ASNS: variants seen among roughly 807,000 people sequenced by gnomAD.
ASNS encodes asparagine synthetase [glutamine-hydrolyzing].
ASNS carries 37 observed loss-of-function variants against 62.6 expected under a neutral mutation model. The observed-to-expected ratio is 0.59, with a 90% CI of 0.45 to 0.78. ASNS has a LOEUF of 0.78. ASNS is among the 30% of genes least tolerant of loss of function. The pLI is 0.00. For missense variants in ASNS, 520 were observed against 682.4 expected (o/e 0.76, Z 2.65); for synonymous variants, 207 against 237.9 (o/e 0.87, Z 1.19).
chr7:97,867,474 T>A (rs1185034098), intron 3 of ASNS, among the ~76,000 whole-genome samples: 1 of 152,242 alleles, frequency 6.6e-6, no homozygotes, highest in African/African-American at 2.4e-5. Flanking sequence ...GAATAGAAAT[T>A]AATTATTTTC....
the ASNS span, chr7:97,898,351 C>A: frequency 1.4e-5 from 7 of 515,824 alleles, no homozygotes; most frequent in African/African-American, 1.0e-4. Context: ...TAAACAGATT[C>A]TTGGACTGGT....
rs4727377 is a variant in ASNS, at chr7:97,864,028, A to G, written c.487+231T>C. On this transcript the variant is annotated intron_variant, in intron 4 of 12. Coordinates refer to ENST00000394308, the MANE Select transcript of ASNS (RefSeq NM_001673.5). ...GATCAAGCTAGATGTAGAGCATATTAGCACAGCAAAAAATAAACGACTGCA... is the reference window on the plus strand; with the variant it reads ...GATCAAGCTAGATGTAGAGCATATTGGCACAGCAAAAAATAAACGACTGCA... The G allele has an allele frequency of 0.086, 39,880 of 463,814 alleles. 2,138 individuals are homozygous for G. Among genetic ancestry groups the G allele is most frequent in the East Asian group, 0.13 (3,770 of 28,186 alleles). 28.7% of individuals were successfully genotyped at this position (463,814 alleles called of 1,614,324 possible).
chr7:97,911,923 C>T, the ASNS span, among the ~76,000 whole-genome samples: 1 of 152,126 alleles, frequency 6.6e-6, no homozygotes, highest in Non-Finnish European at 1.5e-5. Context: ...TAGAAGTGTC[C>T]AAGAACTCAC....
the ASNS span, among the ~76,000 whole-genome samples, chr7:97,900,379 A>C: frequency 7.3e-5 from 11 of 150,166 alleles, no homozygotes; most frequent in Non-Finnish European, 1.3e-4. Context: ...AAAAAAAAAA[A>C]AAAAACAGAA....
At chr7:97,865,207 AAAGT>A (rs1791906909) in intron 3 of ASNS, among the ~76,000 whole-genome samples, 1 of 152,256 alleles carries the variant, frequency 6.6e-6, no homozygotes, top group Non-Finnish European at 1.5e-5. Context: ...ATACAGTAAG[AAAGT>A]AATAAGTAGC....
chr7:97,900,095 C>T, the ASNS span, among the ~76,000 whole-genome samples: 4 of 152,116 alleles, frequency 2.6e-5, no homozygotes, highest in Non-Finnish European at 4.4e-5. Flanking sequence ...TGCAGTGGCT[C>T]AAGCCTGTAA....
chr7:97,903,679 C>T, the ASNS span, among the ~76,000 whole-genome samples: 1 of 152,200 alleles, frequency 6.6e-6, no homozygotes, highest in Non-Finnish European at 1.5e-5. Context: ...ACAAACACTT[C>T]TGCATCTCAA....
At chr7:97,878,513 A>G in the ASNS span, among the ~76,000 whole-genome samples, 254 of 152,320 alleles carry the variant, frequency 1.7e-3, 1 homozygote, top group Non-Finnish European at 2.7e-3. Flanking sequence ...ACAAACAGAG[A>G]GCCAAATCAT....
At chr7:97,896,602 GAA>G in the ASNS span, among the ~76,000 whole-genome samples, 831 of 106,636 alleles carry the variant, frequency 7.8e-3, 13 homozygotes, top group Middle Eastern at 0.031. Context: ...ATCTCAAAAA[GAA>G]AAAAAAAAAA....
chr7:97,864,364 T>G lies in ASNS; in HGVS notation c.382A>C (p.Thr128Pro), dbSNP rs377062992. 6.2e-7 allele frequency: 1 copy of G among 1,613,820 alleles called. No individual in the cohort carries two copies. ...CCCAGGAACACTTTCTTATTGGCAG[T>G]ATCCAGTAAAACAAATGCAAACACA... ...DGVFAFVLLDTANKKVFLGRD... is the reference protein window; with the variant it reads ...DGVFAFVLLDPANKKVFLGRD... The change falls in exon 4 of 13, where the codon ACT (threonine) becomes CCT (proline). Residue 128 changes from threonine to proline, a missense_variant. By Grantham distance (38) the Thr-to-Pro change is conservative (BLOSUM62 -1). Transcript: ENST00000394308.
At chr7:97,866,738 A>G (rs1299901755) in intron 3 of ASNS, among the ~76,000 whole-genome samples, 1 of 152,210 alleles carries the variant, frequency 6.6e-6, no homozygotes, top group African/African-American at 2.4e-5. Flanking sequence ...AACTCACTCC[A>G]TAATTTGTGA....
chr7:97,913,818 G>C, the ASNS span, among the ~76,000 whole-genome samples: 2 of 151,254 alleles, frequency 1.3e-5, no homozygotes, highest in Non-Finnish European at 2.9e-5. Context: ...ATGGATACAT[G>C]GGTGGGTGGG....
the ASNS span, among the ~76,000 whole-genome samples, chr7:97,921,824 T>C: frequency 2.6e-5 from 4 of 152,178 alleles, no homozygotes; most frequent in Non-Finnish European, 5.9e-5. Context: ...GCACACATCC[T>C]GGGTGGGTGC....
In ASNS at chr7:97,869,063, A is replaced by T. The variant is rs1197120216; in HGVS notation, c.94T>A (p.Phe32Ile). The change falls in exon 3 of 13, where the codon TTC becomes ATC. Residue 32 changes from phenylalanine to isoleucine, a missense_variant. By Grantham distance (21) the Phe-to-Ile change is conservative. Transcript: ENST00000394308. ...TATCCATTGACATTCTCAAAACGGA[A>T]TGCATCTGGACCTCTGTGTGCAATC... is the stretch of plus-strand genomic sequence containing the variant. Reference protein sequence around the residue: ...MKIAHRGPDAFRFENVNGYTN... With the variant: ...MKIAHRGPDAIRFENVNGYTN... 1.2e-6 allele frequency: 2 copies of T among 1,614,248 alleles called. No homozygotes were observed. The highest frequency in any genetic ancestry group is 1.7e-6 in the Non-Finnish European group (2 of 1,180,040).
intron 7 of ASNS, 146 bp downstream of exon 7, chr7:97,858,132 T>C: frequency 9.0e-7 from 1 of 1,111,912 alleles, no homozygotes; most frequent in Non-Finnish European, 1.3e-6. Context: ...CCAACAGCCA[T>C]TTCATTCTAT....
At chr7:97,896,385 G>A in the ASNS span, among the ~76,000 whole-genome samples, 45 of 150,552 alleles carry the variant, frequency 3.0e-4, no homozygotes, top group East Asian at 2.0e-4. Flanking sequence ...TCAGGAGATC[G>A]AGACCATCCT....
chr7:97,853,346 A>G lies in ASNS; in HGVS notation c.1279T>C (p.Ser427Pro), dbSNP rs1057518341. ...RVPFLDHRFS[S>P]YYLSLPPEMR... ...TCTGGTGGCAGAGACAAGTAATAGG[A>G]AGAAAATCGATGATCTAGAAATGGG... is the stretch of plus-strand genomic sequence containing the variant. The change falls in exon 11 of 13, where the codon TCC becomes CCC. Residue 427 changes from serine to proline, a missense_variant. By Grantham distance (74) the Ser-to-Pro change is moderately conservative (BLOSUM62 -1). Transcript: ENST00000394308. 2.5e-6 allele frequency: 4 copies of G among 1,613,210 alleles called. No homozygotes were observed. Among genetic ancestry groups the G allele is most frequent in the Non-Finnish European group, 3.4e-6 (4 of 1,179,924 alleles).
At chr7:97,881,093 G>A in the ASNS span, among the ~76,000 whole-genome samples, 267 of 152,168 alleles carry the variant, frequency 1.8e-3, 2 homozygotes, top group Middle Eastern at 0.01. Flanking sequence ...GGTGTGCACC[G>A]CCACGCCTGG....
chr7:97,861,346 C>G (rs1042551014), intron 4 of ASNS, among the ~76,000 whole-genome samples: 1 of 152,100 alleles, frequency 6.6e-6, no homozygotes, highest in Non-Finnish European at 1.5e-5. Context: ...TTTTTGTATA[C>G]GATGTTGGGT....
Sources: allele counts gnomAD v4.1 joint callset (sites outside exome capture counted in the v4.1 genomes callset), GRCh38; gene constraint gnomAD v4.1.1; transcripts MANE v1.5; gene names NCBI Gene and HGNC (gene_info 2026-07-23, HGNC 2026-07-21).